Variants in CNTN1 observed in about 807,000 individuals in gnomAD.
The protein encoded by CNTN1 is contactin-1.
A neutral mutation model predicts 126.4 loss-of-function variants in CNTN1; 38 were observed. The ratio of observed to expected loss-of-function variants is 0.30; its 90% confidence interval spans 0.23 to 0.39. The LOEUF (loss-of-function observed/expected upper bound fraction) is 0.39. Ranked by LOEUF, CNTN1 falls within the 10% of genes least tolerant of loss-of-function variation. CNTN1 has a pLI of 1.00. For missense variants in CNTN1, 1,009 were observed against 1,248.4 expected, an observed-to-expected ratio of 0.81 and a Z score of 2.89; for synonymous variants, 413 against 422.6, an observed-to-expected ratio of 0.98 and a Z score of 0.28.
intron 14 of CNTN1, among the ~76,000 whole-genome samples, chr12:40,944,559 T>C (rs905896219): frequency 6.6e-6 from 1 of 152,080 alleles, no homozygotes; most frequent in Non-Finnish European, 1.5e-5. Flanking sequence ...ATTTATGTTA[T>C]GCTTTAAGAG....
At chr12:40,922,160 TG>T in intron 4 of CNTN1, 95 bp from the exon 5 acceptor site, 1 of 1,003,218 alleles carries the variant, frequency 1.0e-6, no homozygotes, top group Non-Finnish European at 1.6e-6. Flanking sequence ...TGACTTCACA[TG>T]GAGCCGTACC....
chr12:40,790,297 G>A lies in CNTN1; in HGVS notation c.-77+97705G>A, dbSNP rs146718132. 3.5e-4 allele frequency among the ~76,000 whole-genome samples: 54 copies of A among 152,128 alleles called. 1 individual carries two copies. The East Asian group carries it at 8.0e-3, about 22-fold the overall frequency. Reference sequence around the variant, plus strand: ...ACTTCAGGAGCCAGGGAATCTCCCCGACAACTTCCAGCGGTGGGCAGTGTT... The same window carrying A: ...ACTTCAGGAGCCAGGGAATCTCCCCAACAACTTCCAGCGGTGGGCAGTGTT... On this transcript the variant is annotated intron_variant, in intron 1 of 23. Transcript: ENST00000551295.
Position 41,012,198 on chromosome 12 carries a change from CAG to C in CNTN1, c.2114-2018_2114-2017del, listed in dbSNP as rs147517723. On this transcript the variant is annotated intron_variant, in intron 17 of 23. Coordinates refer to ENST00000551295, the MANE Select transcript of CNTN1 (RefSeq NM_001843.4). ...TGCCATGTGCTCTCCAGATCAAGGG[CAG>C]AGAGAGAGAGACCTGGAAATGCCAT... 4.6e-5 allele frequency among the ~76,000 whole-genome samples: 7 copies of C among 151,850 alleles called. No homozygotes were observed. The East Asian group carries it at 1.4e-3, about 29-fold the overall frequency.
intron 1 of CNTN1, among the ~76,000 whole-genome samples, chr12:40,781,904 T>G (rs1347472305): frequency 1.3e-5 from 2 of 152,008 alleles, no homozygotes; most frequent in Admixed American, 1.3e-4. Context: ...TAGAATACAA[T>G]GTTAATTATC....
At chr12:41,047,018 C>A (rs1009557254) in intron 23 of CNTN1, among the ~76,000 whole-genome samples, 2 of 151,932 alleles carry the variant, frequency 1.3e-5, no homozygotes, top group Non-Finnish European at 2.9e-5. Flanking sequence ...TTAAATATAA[C>A]TGTTCACATT....
intron 1 of CNTN1, among the ~76,000 whole-genome samples, chr12:40,798,015 C>A (rs1350430929): frequency 6.6e-6 from 1 of 151,856 alleles, no homozygotes; most frequent in Non-Finnish European, 1.5e-5. Flanking sequence ...GTTAATGAGT[C>A]TGGAGCTCAG....
intron 17 of CNTN1, among the ~76,000 whole-genome samples, chr12:41,005,507 G>A (rs1204402841): frequency 6.6e-6 from 1 of 152,126 alleles, no homozygotes; most frequent in Non-Finnish European, 1.5e-5. Flanking sequence ...TCTCCTGGAT[G>A]ATATCCTGAA....
In CNTN1 at chr12:40,937,565, T is replaced by A. The variant is rs771044556; in HGVS notation, c.1111-5T>A. The A allele has an allele frequency of 6.6e-7, 1 of 1,519,098 alleles. No homozygotes were observed. Among genetic ancestry groups the A allele is most frequent in the East Asian group, 2.3e-5 (1 of 44,338 alleles). 94.1% of individuals were successfully genotyped at this position (1,519,098 alleles called of 1,614,324 possible). A position where few individuals can be genotyped will look rare whatever the true frequency, so the allele number is the denominator to read the frequency against. Reference sequence around the variant, plus strand: ...GAGAATATGTTTCAATTTTATTCTTTTCAGTATCATAAAGGGGAATTAAGA... The same window carrying A: ...GAGAATATGTTTCAATTTTATTCTTATCAGTATCATAAAGGGGAATTAAGA... On this transcript the variant is annotated splice_polypyrimidine_tract_variant and splice_region_variant and intron_variant, in intron 10 of 23. Transcript: ENST00000551295.
At chr12:40,861,220 T>A (rs1321430659) in intron 1 of CNTN1, among the ~76,000 whole-genome samples, 1 of 152,148 alleles carries the variant, frequency 6.6e-6, no homozygotes, top group Non-Finnish European at 1.5e-5. Context: ...ATGTTAAGTT[T>A]TTTTCTCTTT....
At chr12:40,868,037 A>G (rs1047024177) in intron 1 of CNTN1, among the ~76,000 whole-genome samples, 1 of 151,864 alleles carries the variant, frequency 6.6e-6, no homozygotes, top group Non-Finnish European at 1.5e-5. Flanking sequence ...TTACTACTGG[A>G]GAAATTATTT....
At chr12:41,051,980 T>A (rs1949698317) in intron 23 of CNTN1, among the ~76,000 whole-genome samples, 1 of 151,600 alleles carries the variant, frequency 6.6e-6, no homozygotes, top group South Asian at 2.1e-4. Context: ...CTGTGAGCAG[T>A]GTAGATATTA....
In CNTN1 at chr12:40,944,171, G is replaced by C; in HGVS notation, c.1683+1G>C. 6.2e-7 allele frequency: 1 copy of C among 1,611,666 alleles called. No homozygotes were observed. The highest frequency in any genetic ancestry group is 8.5e-7 in the Non-Finnish European group (1 of 1,178,192). ...TATTCACTACCAGAGGAATTTTATG[G>C]TATGTGTTTTAAGTTTCATCTTATT... On this transcript the variant is annotated splice_donor_variant, in intron 14 of 23. Coordinates refer to ENST00000551295, the MANE Select transcript of CNTN1 (RefSeq NM_001843.4). LOFTEE classifies it high-confidence loss of function.
chr12:40,805,630 A>G (rs960429934), intron 1 of CNTN1, among the ~76,000 whole-genome samples: 7 of 152,178 alleles, frequency 4.6e-5, no homozygotes, highest in South Asian at 4.1e-4. Context: ...TAAATTCTCT[A>G]TCTGATAGTT....
intron 17 of CNTN1, among the ~76,000 whole-genome samples, chr12:40,999,176 CTG>C (rs1566114758): frequency 6.6e-6 from 1 of 152,026 alleles, no homozygotes; most frequent in African/African-American, 2.4e-5. Flanking sequence ...AGATCTATGA[CTG>C]AAATACAGAA....
chr12:40,735,787 C>T (rs755091280), intron 1 of CNTN1, among the ~76,000 whole-genome samples: 39 of 152,084 alleles, frequency 2.6e-4, no homozygotes, highest in Non-Finnish European at 5.0e-4. Flanking sequence ...CAGCCAAATG[C>T]AAACATTTTC....
chr12:40,823,304 G>A (rs1941510329), intron 1 of CNTN1, among the ~76,000 whole-genome samples: 1 of 152,184 alleles, frequency 6.6e-6, no homozygotes, highest in Non-Finnish European at 1.5e-5. Flanking sequence ...GTGGTTCTCA[G>A]CAGCTTGATG....
In CNTN1 at chr12:41,056,921, ATTT is replaced by A. The variant is rs1324973513; in HGVS notation, c.2981-13037_2981-13035del. ...TTAGATATTTATAAATATTTATAAT[ATTT>A]AGATATTTATAAATATTTATAATAT... On this transcript the variant is annotated intron_variant, in intron 23 of 23. Coordinates refer to ENST00000551295, the MANE Select transcript of CNTN1 (RefSeq NM_001843.4). Among the ~76,000 whole-genome samples, 9 of 83,298 alleles carry A rather than the reference ATTT, an allele frequency of 1.1e-4. 1 individual carries two copies. The highest frequency in any genetic ancestry group is 3.6e-4 in the African/African-American group (8 of 22,042). 54.6% of individuals were successfully genotyped at this position (83,298 alleles called of 152,430 possible).
At chr12:40,731,008 C>A (rs1318305244) in intron 1 of CNTN1, among the ~76,000 whole-genome samples, 1 of 151,056 alleles carries the variant, frequency 6.6e-6, no homozygotes, top group Non-Finnish European at 1.5e-5. Flanking sequence ...AGTAAACTAA[C>A]AATTAAACAA....
rs1462616914 is a variant in CNTN1 at position 40,939,419 on chromosome 12, C to T, written c.1313C>T (p.Pro438Leu). Residue 438 changes from proline (P) to leucine (L), a missense_variant, in exon 12 of 24, where the codon CCT becomes CTT. Transcript: ENST00000551295. ...GGAAGGGTGATAATTGAATGCAAACCTAAAGCTGCACCGAAACCAAAGTTT... is the reference window on the plus strand; with the variant it reads ...GGAAGGGTGATAATTGAATGCAAACTTAAAGCTGCACCGAAACCAAAGTTT... ...KGGRVIIECK[P>L]KAAPKPKFSW... 2.5e-6 allele frequency: 4 copies of T among 1,613,770 alleles called. No individual in the cohort carries two copies. The highest frequency in any genetic ancestry group is 2.7e-5 in the African/African-American group (2 of 74,906).
Sources: allele counts gnomAD v4.1 joint callset (sites outside exome capture counted in the v4.1 genomes callset), GRCh38; gene constraint gnomAD v4.1.1; transcripts MANE v1.5; gene names NCBI Gene and HGNC (gene_info 2026-07-23, HGNC 2026-07-21).